Variants in PTPN3 observed in about 807,000 individuals in gnomAD.
The protein encoded by PTPN3 is protein tyrosine phosphatase non-receptor type 3.
PTPN3 carries 96 observed loss-of-function variants against 132.7 expected under a neutral mutation model. The ratio of observed to expected loss-of-function variants is 0.72; its 90% CI spans 0.61 to 0.86. The LOEUF is 0.86. PTPN3 is among the 40% of genes least tolerant of loss of function. PTPN3 has a pLI of 0.00. For missense variants in PTPN3, 1,125 were observed against 1,159.6 expected, an observed-to-expected ratio of 0.97 and a Z score of 0.43; for synonymous variants, 398 against 429.0, an observed-to-expected ratio of 0.93 and a Z score of 0.89.
chr9:109,473,488 G>C (rs1199484261), intron 1 of PTPN3, among the ~76,000 whole-genome samples: 1 of 152,172 alleles, frequency 6.6e-6, no homozygotes, highest in Non-Finnish European at 1.5e-5. Context: ...CTTGATCCTG[G>C]CAGGGTAAGA....
At chr9:109,408,865 T>A (rs1236137741) in intron 16 of PTPN3, among the ~76,000 whole-genome samples, 2 of 133,570 alleles carry the variant, frequency 1.5e-5, no homozygotes, top group African/African-American at 2.8e-5. Context: ...TATATGGGCT[T>A]TATATATATA....
chr9:109,440,101 A>G (rs1844343394), intron 7 of PTPN3, among the ~76,000 whole-genome samples: 1 of 152,194 alleles, frequency 6.6e-6, no homozygotes, highest in Non-Finnish European at 1.5e-5. Flanking sequence ...AGCACCAGGC[A>G]TGACACACAG....
upstream of PTPN3, among the ~76,000 whole-genome samples, chr9:109,499,878 GCCAGCAAAA>G (rs1847835457): frequency 6.6e-6 from 1 of 152,254 alleles, no homozygotes; most frequent in Admixed American, 6.5e-5. Flanking sequence ...GCCTCGAGTC[GCCAGCAAAA>G]CCTGGAGCCG....
At chr9:109,394,894 C>A (rs1307453656) in intron 19 of PTPN3, among the ~76,000 whole-genome samples, 1 of 152,120 alleles carries the variant, frequency 6.6e-6, no homozygotes, top group Non-Finnish European at 1.5e-5. Flanking sequence ...AATCCCAGCA[C>A]TTTGGGAGGC....
At chr9:109,488,797 T>C (rs1235229641) in intron 1 of PTPN3, among the ~76,000 whole-genome samples, 6 of 152,198 alleles carry the variant, frequency 3.9e-5, no homozygotes, top group Admixed American at 2.0e-4. Context: ...TAAATGGCCC[T>C]GTAGTGACCT....
At chr9:109,423,488 T>C (rs1289343000) in intron 12 of PTPN3, among the ~76,000 whole-genome samples, 1 of 151,968 alleles carries the variant, frequency 6.6e-6, no homozygotes, top group African/African-American at 2.4e-5. Flanking sequence ...TGCCTATAAT[T>C]CCAGCTACTT....
At chr9:109,463,174 G>T in intron 2 of PTPN3, 123 bp downstream of exon 2, 2 of 1,050,380 alleles carry the variant, frequency 1.9e-6, no homozygotes, top group Non-Finnish European at 2.7e-6. Flanking sequence ...CAACATACAA[G>T]ATCTGAGATC....
chr9:109,406,706 T>TGG, intron 17 of PTPN3, 88 bp from the exon 18 acceptor site: 1 of 1,528,922 alleles, frequency 6.5e-7, no homozygotes, highest in Non-Finnish European at 8.9e-7. Flanking sequence ...CCCAGACACC[T>TGG]GGGACCATGA....
intron 19 of PTPN3, among the ~76,000 whole-genome samples, chr9:109,400,754 C>T (rs1841019924): frequency 6.6e-6 from 1 of 152,324 alleles, no homozygotes; most frequent in Non-Finnish European, 1.5e-5. Flanking sequence ...ATATAGGGCT[C>T]TTGTGAGAAT....
At chr9:109,409,156 T>G (rs931701716) in intron 16 of PTPN3, among the ~76,000 whole-genome samples, 4 of 152,168 alleles carry the variant, frequency 2.6e-5, no homozygotes, top group African/African-American at 9.7e-5. Context: ...CAAATGGCTG[T>G]GGCTGTTACC....
chr9:109,408,796 A>AATATATATAT (rs1219154297), intron 16 of PTPN3, among the ~76,000 whole-genome samples: 21 of 108,356 alleles, frequency 1.9e-4, no homozygotes, highest in African/African-American at 3.3e-4. Context: ...AAAAAAAAAA[A>AATATATATAT]ATATATATAT....
intron 1 of PTPN3, among the ~76,000 whole-genome samples, chr9:109,495,258 G>T (rs1204618909): frequency 6.6e-6 from 1 of 152,210 alleles, no homozygotes; most frequent in Non-Finnish European, 1.5e-5. Context: ...CTTGGGAAAA[G>T]ATAAAGAGGC....
At chr9:109,482,039 G>A (rs1228980207) in intron 1 of PTPN3, among the ~76,000 whole-genome samples, 1 of 152,216 alleles carries the variant, frequency 6.6e-6, no homozygotes, top group East Asian at 1.9e-4. Context: ...TCTGCCCATA[G>A]GCGCTTAAGA....
intron 1 of PTPN3, among the ~76,000 whole-genome samples, chr9:109,477,234 T>C (rs1846718383): frequency 1.3e-5 from 2 of 152,192 alleles, no homozygotes; most frequent in Admixed American, 1.3e-4. Flanking sequence ...AAATAAGGTA[T>C]GTTCTTACCC....
intron 1 of PTPN3, among the ~76,000 whole-genome samples, chr9:109,485,422 G>C (rs182597243): frequency 2.0e-5 from 3 of 152,098 alleles, no homozygotes; most frequent in Non-Finnish European, 4.4e-5. Flanking sequence ...GCAGGAGAAC[G>C]GCGTGAACCT....
intron 6 of PTPN3, among the ~76,000 whole-genome samples, chr9:109,448,251 C>T (rs1329760151): frequency 6.6e-6 from 1 of 152,180 alleles, no homozygotes; most frequent in East Asian, 1.9e-4. Flanking sequence ...GGTGAAGAGA[C>T]TGGGAATAAG....
chr9:109,536,570 G>A, the PTPN3 span, among the ~76,000 whole-genome samples: 118,951 of 152,190 alleles, frequency 0.78, 46,582 homozygotes, highest in Middle Eastern at 0.9. Context: ...TCTCCAGTAC[G>A]TGGCACAGGG....
intron 19 of PTPN3, among the ~76,000 whole-genome samples, chr9:109,400,646 A>G (rs1394623406): frequency 6.6e-6 from 1 of 152,214 alleles, no homozygotes; most frequent in Non-Finnish European, 1.5e-5. Context: ...CTGGGTTCCA[A>G]TCAGCCTTTG....
At chr9:109,415,747 A>C (rs891481115) in intron 14 of PTPN3, among the ~76,000 whole-genome samples, 3 of 152,196 alleles carry the variant, frequency 2.0e-5, no homozygotes, top group African/African-American at 7.2e-5. Context: ...GGACAGTGAA[A>C]GAAAAGGAGG....
Sources: allele counts gnomAD v4.1 joint callset (sites outside exome capture counted in the v4.1 genomes callset), GRCh38; gene constraint gnomAD v4.1.1; transcripts MANE v1.5; gene names NCBI Gene and HGNC (gene_info 2026-07-23, HGNC 2026-07-21).